Variants in CTNNA2 observed in about 807,000 individuals in gnomAD.
CTNNA2 encodes the protein catenin alpha 2, also known as catenin alpha-2.
Under a neutral mutation model 101.0 loss-of-function variants are expected in CTNNA2, and 42 were observed. That is an observed-to-expected ratio of 0.42 (90% CI 0.32 to 0.54). The LOEUF is 0.54. Ranked by LOEUF, CTNNA2 falls within the 20% of genes least tolerant of loss-of-function variation. The pLI is 0.14. For missense variants in CTNNA2, 871 were observed against 1,223.1 expected (o/e 0.71, Z 4.29); for synonymous variants, 450 against 456.4 (o/e 0.99, Z 0.18).
chr2:79,781,170 A>T (rs147558744), intron 3 of CTNNA2, among the ~76,000 whole-genome samples: 1 of 152,318 alleles, frequency 6.6e-6, no homozygotes, highest in Non-Finnish European at 1.5e-5. Context: ...GTGGTGAATT[A>T]TCCATGCCTC....
intron 9 of CTNNA2, 80 bp downstream of exon 9, chr2:80,419,681 A>T: frequency 7.2e-7 from 1 of 1,387,112 alleles, no homozygotes; most frequent in Non-Finnish European, 9.9e-7. Context: ...TTCACTAGAG[A>T]GATATTCTAT....
upstream of CTNNA2, among the ~76,000 whole-genome samples, chr2:79,508,724 A>G (rs1184866057): frequency 6.6e-6 from 1 of 151,960 alleles, no homozygotes; most frequent in Non-Finnish European, 1.5e-5. Context: ...AATTCTCACA[A>G]GAAAGTCATG....
At chr2:80,163,272 A>G in intron 7 of CTNNA2, 1 of 639,646 alleles carries the variant, frequency 1.6e-6, no homozygotes, top group Non-Finnish European at 2.7e-6. Context: ...CCAGCCTTGT[A>G]TCCTTGATAT....
At chr2:80,247,660 T>C (rs1432213021) in intron 7 of CTNNA2, among the ~76,000 whole-genome samples, 1 of 152,228 alleles carries the variant, frequency 6.6e-6, no homozygotes, top group African/African-American at 2.4e-5. Context: ...TGTTTTTCCA[T>C]TCTTCCTTTT....
Position 80,303,949 on chromosome 2 carries a change from A to G in CTNNA2, c.1057-89262A>G. The G allele has an allele frequency of 1.8e-6, 2 of 1,124,748 alleles. No individual in the cohort carries two copies. Among genetic ancestry groups the G allele is most frequent in the Non-Finnish European group, 2.4e-6 (2 of 831,312 alleles). The allele number at this position is 1,124,748 out of a possible 1,614,324, so 69.7% of individuals were successfully genotyped here. ...GAAAAGGGCAAAAAATCAAATAAAT[A>G]CATAGAAATAAAGAAGGACCCCCCT... is the stretch of plus-strand genomic sequence containing the variant. On this transcript the variant is annotated intron_variant, in intron 7 of 18. Coordinates refer to ENST00000402739, the MANE Select transcript of CTNNA2 (RefSeq NM_001282597.3). The surrounding 1 kb of genome is among the most constrained non-coding windows in gnomAD (Gnocchi z 7.7).
intron 2 of CTNNA2, among the ~76,000 whole-genome samples, chr2:79,234,816 A>C (rs1039399331): frequency 3.3e-5 from 5 of 152,110 alleles, no homozygotes; most frequent in Admixed American, 6.5e-5. Context: ...AGCTTGATCT[A>C]TTCTGCTATT....
intron 16 of CTNNA2, among the ~76,000 whole-genome samples, chr2:80,604,385 G>A (rs1697822187): frequency 6.6e-6 from 1 of 151,952 alleles, no homozygotes; most frequent in African/African-American, 2.4e-5. Flanking sequence ...GAATGCTAAG[G>A]CTTCTGACCA....
At chr2:80,192,295 T>C (rs1215916032) in intron 7 of CTNNA2, among the ~76,000 whole-genome samples, 1 of 152,184 alleles carries the variant, frequency 6.6e-6, no homozygotes, top group African/African-American at 2.4e-5. Context: ...ACACCTTTCT[T>C]CTAATTCAAA....
intron 7 of CTNNA2, among the ~76,000 whole-genome samples, chr2:79,970,846 G>A (rs917108659): frequency 2.1e-4 from 32 of 152,104 alleles, no homozygotes; most frequent in African/African-American, 7.5e-4. Context: ...GGGAGACCTA[G>A]GAGTGTGGCG....
intron 1 of CTNNA2, among the ~76,000 whole-genome samples, chr2:79,635,623 C>T (rs990345020): frequency 1.3e-5 from 2 of 150,902 alleles, no homozygotes; most frequent in African/African-American, 2.4e-5. Context: ...CCTGCCTCAC[C>T]CTCCCAAGTA....
chr2:80,387,284 G>A (rs1055212394), intron 7 of CTNNA2, among the ~76,000 whole-genome samples: 1 of 150,472 alleles, frequency 6.6e-6, no homozygotes, highest in Non-Finnish European at 1.5e-5. Context: ...GCAAGACTTT[G>A]TCTCAAAAAA....
intron 9 of CTNNA2, among the ~76,000 whole-genome samples, chr2:80,496,840 C>T (rs551481886): frequency 6.6e-6 from 1 of 152,276 alleles, no homozygotes; most frequent in African/African-American, 2.4e-5. Flanking sequence ...ATATCCTGGA[C>T]ATTTTAAGAC....
intron 9 of CTNNA2, among the ~76,000 whole-genome samples, chr2:80,434,706 A>G (rs970780417): frequency 4.0e-5 from 6 of 151,746 alleles, no homozygotes; most frequent in African/African-American, 1.4e-4. Context: ...GGGTCAAGTG[A>G]TCTGCCCACC....
In CTNNA2 at chr2:79,582,487, G is replaced by A. The variant is rs748612763; in HGVS notation, c.-5-69065G>A. On this transcript the variant is annotated intron_variant, in intron 1 of 18. Transcript: ENST00000402739. The stretch of plus-strand genomic sequence containing the variant: ...ATTTTAAAGCTCCCATTTTATCTCC[G>A]CATGCTCAAATATGGATCTCTTAAA... Among the ~76,000 whole-genome samples the A allele has an allele frequency of 9.2e-5, 14 of 151,696 alleles. 1 individual carries two copies. Among genetic ancestry groups the A allele is most frequent in the Admixed American group, 7.2e-4 (11 of 15,228 alleles).
At chr2:80,258,570 C>G (rs894643285) in intron 7 of CTNNA2, among the ~76,000 whole-genome samples, 1 of 152,130 alleles carries the variant, frequency 6.6e-6, no homozygotes, top group Admixed American at 6.5e-5. Context: ...GAATGTTCCA[C>G]TGAGCCATTG....
At chr2:80,558,250 A>G (rs1191076367) in intron 12 of CTNNA2, among the ~76,000 whole-genome samples, 2 of 152,344 alleles carry the variant, frequency 1.3e-5, no homozygotes, top group African/African-American at 4.8e-5. Flanking sequence ...TCTCTTTCTG[A>G]AACAGGAATA....
intron 9 of CTNNA2, among the ~76,000 whole-genome samples, chr2:80,468,245 A>T (rs1685014968): frequency 6.6e-6 from 1 of 152,152 alleles, no homozygotes; most frequent in Admixed American, 6.5e-5. Flanking sequence ...ACAATTTAAT[A>T]CCCACACAGT....
chr2:79,487,192 A>C (rs1444459701), intron 4 of CTNNA2, among the ~76,000 whole-genome samples: 1 of 152,230 alleles, frequency 6.6e-6, no homozygotes, highest in African/African-American at 2.4e-5. Context: ...TTTGATGATG[A>C]ATGAGAAATT....
intron 7 of CTNNA2, among the ~76,000 whole-genome samples, chr2:80,118,357 G>A (rs1377105509): frequency 6.6e-6 from 1 of 152,184 alleles, no homozygotes; most frequent in Non-Finnish European, 1.5e-5. Flanking sequence ...CATTTTCCTT[G>A]AAAGAAAGTT....
Sources: allele counts gnomAD v4.1 joint callset (sites outside exome capture counted in the v4.1 genomes callset), GRCh38; gene constraint gnomAD v4.1.1; non-coding constraint Gnocchi (gnomAD v3.1); transcripts MANE v1.5; gene names NCBI Gene and HGNC (gene_info 2026-07-23, HGNC 2026-07-21).